The following PDZD2 variants were observed in gnomAD, a reference collection of about 807,000 sequenced individuals.
PDZD2 encodes PDZ domain containing 2.
Under a neutral mutation model 220.7 loss-of-function variants are expected in PDZD2, and 90 were observed. The ratio of observed to expected loss-of-function variants is 0.41; its 90% CI spans 0.34 to 0.49. The LOEUF (loss-of-function observed/expected upper bound fraction) is 0.49. Among genes scored for constraint, PDZD2 ranks in the 20% least tolerant of loss-of-function variants. The pLI is 0.28. For synonymous variants in PDZD2, 1,375 were observed against 1,450.5 expected (o/e 0.95, Z 1.18); for missense variants, 3,174 against 3,608.5 (o/e 0.88, Z 3.08).
intron 2 of PDZD2, among the ~76,000 whole-genome samples, chr5:31,941,059 A>G (rs912732336): frequency 6.6e-6 from 1 of 152,228 alleles, no homozygotes; most frequent in Non-Finnish European, 1.5e-5. Flanking sequence ...CAGGAGATCC[A>G]AGGGTAGTGG....
rs1755860938 is a variant in PDZD2, at chr5:31,821,536, A to G, written c.476+21812A>G. 2.6e-5 allele frequency among the ~76,000 whole-genome samples: 4 copies of G among 152,098 alleles called. No individual in the cohort carries two copies. In the South Asian group the frequency reaches 8.3e-4, roughly 32 times the overall value. On this transcript the variant is annotated intron_variant, in intron 2 of 24. Coordinates refer to ENST00000438447, the MANE Select transcript of PDZD2 (RefSeq NM_178140.4). ...GCTGGGACTACAGGCGTGCACCACCACACTCAGCTAATTTTTGTATTTTTA... is the reference window on the plus strand; with the variant it reads ...GCTGGGACTACAGGCGTGCACCACCGCACTCAGCTAATTTTTGTATTTTTA...
At chr5:31,700,814 A>G (rs1446507097) in intron 1 of PDZD2, among the ~76,000 whole-genome samples, 2 of 152,230 alleles carry the variant, frequency 1.3e-5, no homozygotes, top group Non-Finnish European at 2.9e-5. Flanking sequence ...CCCACATCCC[A>G]GGAAACCTTT....
At position 31,652,137 on chromosome 5, in the gene PDZD2, T is replaced by TTTTTTG. The variant is rs1745376124; in HGVS notation, c.-361+12705_-361+12706insGTTTTT. ...TGAGCCACTGCGTCTGGCCTGGGTT[T>TTTTTTG]TTTTTTGTTTTTTGTTTGTTTGTTT... On this transcript the variant is annotated intron_variant, in intron 1 of 24. Transcript: ENST00000438447. Among the ~76,000 whole-genome samples, 3 of 108,286 alleles carry TTTTTTG rather than the reference T, an allele frequency of 2.8e-5. No individual in the cohort carries two copies. In the South Asian group the frequency reaches 1.2e-3, roughly 42 times the overall value. The allele number at this position is 108,286 out of a possible 152,430, so 71.0% of individuals were successfully genotyped here. A position where few individuals can be genotyped will look rare whatever the true frequency, so the allele number is the denominator to read the frequency against.
chr5:31,989,813 G>A (rs905693578), intron 3 of PDZD2, among the ~76,000 whole-genome samples: 7 of 152,092 alleles, frequency 4.6e-5, no homozygotes, highest in Admixed American at 6.5e-5. Flanking sequence ...AGTGCAGGGC[G>A]GGGCCTTCTT....
intron 2 of PDZD2, among the ~76,000 whole-genome samples, chr5:31,856,728 T>C (rs887349727): frequency 6.6e-6 from 1 of 152,068 alleles, no homozygotes; most frequent in Admixed American, 6.6e-5. Flanking sequence ...TTGCACTGTT[T>C]CCTGGGACAT....
At chr5:31,739,226 T>G (rs946621263) in intron 1 of PDZD2, among the ~76,000 whole-genome samples, 4 of 152,232 alleles carry the variant, frequency 2.6e-5, no homozygotes, top group African/African-American at 9.6e-5. Context: ...CTGCCTTTTT[T>G]GGAAGGCATG....
chr5:31,648,288 C>T (rs1186780487), intron 1 of PDZD2, among the ~76,000 whole-genome samples: 2 of 152,156 alleles, frequency 1.3e-5, no homozygotes, highest in Non-Finnish European at 2.9e-5. Flanking sequence ...CTTACCATTC[C>T]AGTGGGGGCG....
At chr5:31,819,952 G>A (rs1755728314) in intron 2 of PDZD2, among the ~76,000 whole-genome samples, 1 of 152,230 alleles carries the variant, frequency 6.6e-6, no homozygotes, top group South Asian at 2.1e-4. Context: ...CACAATGGGT[G>A]GGTTCAGTCA....
intron 2 of PDZD2, among the ~76,000 whole-genome samples, chr5:31,866,665 T>C (rs990243668): frequency 6.6e-6 from 1 of 152,252 alleles, no homozygotes; most frequent in Non-Finnish European, 1.5e-5. Flanking sequence ...CATGCTGTCC[T>C]GTGGGAGAGG....
intron 2 of PDZD2, among the ~76,000 whole-genome samples, chr5:31,810,356 G>C (rs1003660217): frequency 1.3e-5 from 2 of 148,690 alleles, no homozygotes; most frequent in African/African-American, 5.0e-5. Context: ...TCCGCCTCCC[G>C]GGTTCATGCA....
At chr5:31,703,782 G>A (rs1204688412) in intron 1 of PDZD2, among the ~76,000 whole-genome samples, 3 of 152,114 alleles carry the variant, frequency 2.0e-5, no homozygotes, top group Non-Finnish European at 4.4e-5. Flanking sequence ...GATGCCTAGA[G>A]GTCCTTATTT....
intron 3 of PDZD2, among the ~76,000 whole-genome samples, chr5:31,992,841 C>T (rs1235089224): frequency 4.8e-5 from 7 of 147,242 alleles, no homozygotes; most frequent in Admixed American, 2.1e-4. Flanking sequence ...CAGCATCCTT[C>T]TCTCAAGTGT....
chr5:32,002,743 ACCAACACACACACC>A (rs1752283346), intron 5 of PDZD2, among the ~76,000 whole-genome samples: 2 of 51,920 alleles, frequency 3.9e-5, no homozygotes, highest in Admixed American at 2.5e-4. Context: ...CACCCCACAC[ACCAACACACACACC>A]CCACACACCA....
At chr5:31,977,503 C>T (rs1379266130) in intron 2 of PDZD2, among the ~76,000 whole-genome samples, 1 of 152,172 alleles carries the variant, frequency 6.6e-6, no homozygotes, top group East Asian at 1.9e-4. Context: ...TTCTAAGCCC[C>T]CACCCTCACC....
intron 6 of PDZD2, among the ~76,000 whole-genome samples, chr5:32,013,729 C>T (rs1410435364): frequency 1.3e-5 from 2 of 152,170 alleles, no homozygotes; most frequent in East Asian, 3.8e-4. Flanking sequence ...CAGCACTGAT[C>T]CTACTTTGAC....
chr5:31,771,498 G>A (rs539177733), intron 1 of PDZD2, among the ~76,000 whole-genome samples: 3 of 152,286 alleles, frequency 2.0e-5, no homozygotes, highest in African/African-American at 7.2e-5. Flanking sequence ...GATTTGTGTG[G>A]TTGGGGGAGA....
chr5:32,087,039 A>T lies in PDZD2; in HGVS notation c.3683-92A>T, dbSNP rs1742534310. 1.4e-6 allele frequency: 1 copy of T among 724,066 alleles called. No individual in the cohort carries two copies. The highest frequency in any genetic ancestry group is 2.3e-6 in the Non-Finnish European group (1 of 430,504). The allele number at this position is 724,066 out of a possible 1,614,324, so 44.9% of individuals were successfully genotyped here. On this transcript the variant is annotated intron_variant, in intron 19 of 24. Transcript: ENST00000438447. This position sits in a 1 kb window ranked among gnomAD's most constrained non-coding sequence, Gnocchi z 4.0. ...GGTTGTTTATAATTTTCTAGTTTTT[A>T]ATAATTGAGGGGCTGCTTTCTTATA...
intron 14 of PDZD2, among the ~76,000 whole-genome samples, chr5:32,063,496 G>A (rs1354644226): frequency 6.6e-6 from 1 of 152,186 alleles, no homozygotes; most frequent in Non-Finnish European, 1.5e-5. Context: ...GGCCCTGGGG[G>A]TGAATTGGGA....
At chr5:31,787,892 G>A (rs1011829928) in intron 1 of PDZD2, among the ~76,000 whole-genome samples, 9 of 152,178 alleles carry the variant, frequency 5.9e-5, no homozygotes, top group Admixed American at 5.9e-4. Flanking sequence ...TATTGTTGCT[G>A]TTTATTTTAT....
Sources: allele counts gnomAD v4.1 joint callset (sites outside exome capture counted in the v4.1 genomes callset), GRCh38; gene constraint gnomAD v4.1.1; non-coding constraint Gnocchi (gnomAD v3.1); transcripts MANE v1.5; gene names NCBI Gene and HGNC (gene_info 2026-07-23, HGNC 2026-07-21).